PIEZO2: variants seen among roughly 807,000 people sequenced by gnomAD.
The protein encoded by PIEZO2 is piezo type mechanosensitive ion channel component 2.
In PIEZO2, 172 loss-of-function variants were observed where a neutral mutation model predicts 337.3. That is an observed-to-expected ratio of 0.51 (90% CI 0.45 to 0.58). The LOEUF (loss-of-function observed/expected upper bound fraction) is 0.58. PIEZO2 is among the 20% of genes least tolerant of loss of function. The pLI is 0.00. For missense variants in PIEZO2, 3,028 were observed against 3,391.3 expected (o/e 0.89, Z 2.66); for synonymous variants, 1,251 against 1,228.5 (o/e 1.02, Z -0.38).
At chr18:10,757,334 G>A (rs534665726) in intron 27 of PIEZO2, among the ~76,000 whole-genome samples, 1 of 150,400 alleles carries the variant, frequency 6.6e-6, no homozygotes, top group African/African-American at 2.4e-5. Flanking sequence ...GAGGGATGGA[G>A]GATGAGAAGA....
At chr18:10,706,537 C>G (rs2035594928) in intron 40 of PIEZO2, among the ~76,000 whole-genome samples, 1 of 152,196 alleles carries the variant, frequency 6.6e-6, no homozygotes, top group Non-Finnish European at 1.5e-5. Flanking sequence ...AACAACTTTA[C>G]TTACTTTCTT....
In PIEZO2 at chr18:10,726,268, C is replaced by G. The variant is rs2036533697; in HGVS notation, c.5029+5139G>C. On this transcript the variant is annotated intron_variant, in intron 36 of 55. Coordinates refer to ENST00000674853, the MANE Select transcript of PIEZO2 (RefSeq NM_001378183.1). The surrounding 1 kb of genome is among the most constrained non-coding windows in gnomAD (Gnocchi z 5.9). The stretch of plus-strand genomic sequence containing the variant: ...TTGTGTGCGAGCCTGTGTTCGGGAG[C>G]ATGAGAATGGAAGCGTCGCGGCCAG... 1 of 817,662 alleles carries G rather than the reference C, an allele frequency of 1.2e-6. No homozygotes were observed. Among genetic ancestry groups the G allele is most frequent in the Non-Finnish European group, 2.0e-6 (1 of 497,156 alleles). The allele number at this position is 817,662 out of a possible 1,614,324, so 50.7% of individuals were successfully genotyped here.
Position 11,093,162 on chromosome 18 carries a change from C to A in PIEZO2, c.65-26940G>T, listed in dbSNP as rs145652898. ...CTTAGCTAAAAACAGTACCTTTTCT[C>A]TCTCAATTATATAGTAACCTGACCT... On this transcript the variant is annotated intron_variant, in intron 1 of 55. Coordinates refer to ENST00000674853, the MANE Select transcript of PIEZO2 (RefSeq NM_001378183.1). 4.4e-3 allele frequency among the ~76,000 whole-genome samples: 665 copies of A among 152,224 alleles called. 6 individuals carry two copies. The highest frequency in any genetic ancestry group is 0.015 in the African/African-American group (615 of 41,538).
At chr18:11,061,946 G>T (rs1482538495) in intron 2 of PIEZO2, among the ~76,000 whole-genome samples, 4 of 152,190 alleles carry the variant, frequency 2.6e-5, no homozygotes, top group Non-Finnish European at 4.4e-5. Flanking sequence ...AGCCCGCATT[G>T]CTAAGTCAAT....
At chr18:10,675,086 T>C (rs2033934677) in intron 54 of PIEZO2, 123 bp downstream of exon 54, 2 of 605,272 alleles carry the variant, frequency 3.3e-6, no homozygotes, top group Admixed American at 3.7e-5. Flanking sequence ...GTTTCATATA[T>C]AGTCTGTCAC....
rs1034344457 is a variant in PIEZO2, at chr18:10,752,523, T to C, written c.4167+113A>G. On this transcript the variant is annotated intron_variant, in intron 28 of 55. Coordinates refer to ENST00000674853, the MANE Select transcript of PIEZO2 (RefSeq NM_001378183.1). ...TGAATTCTGAATTTGCAGCATCTTATTGGGGCTTTTAAGAGAGCAACATGA... is the reference window on the plus strand; with the variant it reads ...TGAATTCTGAATTTGCAGCATCTTACTGGGGCTTTTAAGAGAGCAACATGA... 15 of 1,256,930 alleles carry C rather than the reference T, an allele frequency of 1.2e-5. No individual in the cohort carries two copies. The African/African-American group carries it at 1.8e-4, about 15-fold the overall frequency. The allele number at this position is 1,256,930 out of a possible 1,614,324, so 77.9% of individuals were successfully genotyped here. A position where few individuals can be genotyped will look rare whatever the true frequency, so the allele number is the denominator to read the frequency against.
At position 11,065,208 on chromosome 18, in the gene PIEZO2, G is replaced by A. The variant is rs559845579; in HGVS notation, c.160+919C>T. 1.4e-4 allele frequency among the ~76,000 whole-genome samples: 22 copies of A among 152,292 alleles called. 1 individual carries two copies. The South Asian group carries it at 2.7e-3, about 19-fold the overall frequency. On this transcript the variant is annotated intron_variant, in intron 2 of 55. Transcript: ENST00000674853. ...CATTATTTGTTGTTCTGTGTACACC[G>A]TGGTCTTTACTTCTTTTTCTAAAGA...
Position 10,689,658 on chromosome 18 carries a change from C to T in PIEZO2, c.7494G>A (p.Glu2498=). The part of the protein sequence containing the change: ...IFILKCWRES[E]KRYPQPRGQK... ...GGCACATCTCCTGGCTTCTTACCTT[C>T]TCCGACTCCCGCCAACACTTCAGGA... Residue 2498 remains glutamate (E), a synonymous_variant, in exon 49 of 56, where the codon GAG becomes GAA. Coordinates refer to ENST00000674853, the MANE Select transcript of PIEZO2 (RefSeq NM_001378183.1). 3 of 1,614,228 alleles carry T rather than the reference C, an allele frequency of 1.9e-6. No individual in the cohort carries two copies. Among genetic ancestry groups the T allele is most frequent in the Admixed American group, 1.7e-5 (1 of 60,024 alleles).
chr18:11,101,619 G>A lies in PIEZO2; in HGVS notation c.65-35397C>T, dbSNP rs2039421634. On this transcript the variant is annotated intron_variant, in intron 1 of 55. Coordinates refer to ENST00000674853, the MANE Select transcript of PIEZO2 (RefSeq NM_001378183.1). This position sits in a 1 kb window ranked among gnomAD's most constrained non-coding sequence, Gnocchi z 4.4. ...GAGAAAACATGACATTTTCCCCCAT[G>A]ACATTCTATTTCTCAAACCTGTCAA... Among the ~76,000 whole-genome samples the A allele has an allele frequency of 6.6e-6, 1 of 152,162 alleles. No individual in the cohort carries two copies. The highest frequency in any genetic ancestry group is 1.5e-5 in the Non-Finnish European group (1 of 68,040).
Position 10,975,838 on chromosome 18 carries a change from C to T in PIEZO2, c.286+3697G>A, listed in dbSNP as rs144809917. On this transcript the variant is annotated intron_variant, in intron 3 of 55. Transcript: ENST00000674853. ...AATTTGAATACTACTTGAATATGAT[C>T]GACTTGTCTGGGTTTTAATTTTAAT... Among the ~76,000 whole-genome samples the T allele has an allele frequency of 3.1e-3, 478 of 152,228 alleles. 8 individuals are homozygous for T. The highest frequency in any genetic ancestry group is 0.011 in the African/African-American group (471 of 41,538).
chr18:10,890,566 A>G (rs1568169854), intron 4 of PIEZO2: 1 of 152,274 alleles, frequency 6.6e-6, no homozygotes, highest in Non-Finnish European at 1.5e-5. Context: ...TGGAGGCAGC[A>G]AGAGACGTGC....
At chr18:10,684,493 G>A (rs1288227913) in intron 49 of PIEZO2, among the ~76,000 whole-genome samples, 1 of 134,632 alleles carries the variant, frequency 7.4e-6, no homozygotes, top group Non-Finnish European at 1.5e-5. Flanking sequence ...TCTTGATGGA[G>A]TCTTGCTGTC....
chr18:11,086,037 T>C (rs1264416315), intron 1 of PIEZO2, among the ~76,000 whole-genome samples: 2 of 152,174 alleles, frequency 1.3e-5, no homozygotes, highest in African/African-American at 4.8e-5. Flanking sequence ...TCAATAAATA[T>C]ACGTTGTATG....
chr18:10,927,599 G>A (rs2031825874), intron 3 of PIEZO2, among the ~76,000 whole-genome samples: 1 of 152,184 alleles, frequency 6.6e-6, no homozygotes, highest in South Asian at 2.1e-4. Flanking sequence ...ATTTGAACCA[G>A]TTGAAAAGCA....
intron 2 of PIEZO2, among the ~76,000 whole-genome samples, chr18:11,014,608 C>A (rs2036028727): frequency 7.2e-6 from 1 of 137,954 alleles, no homozygotes; most frequent in South Asian, 2.5e-4. Context: ...GCCCCTCATT[C>A]CTCAGTGGGG....
At position 10,773,428 on chromosome 18, in the gene PIEZO2, C is replaced by CTCCTCGGATTCCTCCTCT; in HGVS notation, c.2751_2768dup (p.Ser921_Glu926dup). On this transcript the variant is annotated inframe_insertion, in exon 20 of 56. Coordinates refer to ENST00000674853, the MANE Select transcript of PIEZO2 (RefSeq NM_001378183.1). The surrounding 1 kb of genome is among the most constrained non-coding windows in gnomAD (Gnocchi z 5.3). ...GCTGATTACCTGATGTTTCTTCCTC[C>CTCCTCGGATTCCTCCTCT]TCCTCGGATTCCTCCTCTTCCTCTC... is the stretch of plus-strand genomic sequence containing the variant. 1 of 1,537,348 alleles carries CTCCTCGGATTCCTCCTCT rather than the reference C, an allele frequency of 6.5e-7. No homozygotes were observed.
rs1481341257 is a variant in PIEZO2, at chr18:10,853,208, G to A, written c.917+2145C>T. 6.6e-6 allele frequency among the ~76,000 whole-genome samples: 1 copy of A among 152,188 alleles called. No homozygotes were observed. The highest frequency in any genetic ancestry group is 1.5e-5 in the Non-Finnish European group (1 of 68,036). On this transcript the variant is annotated intron_variant, in intron 7 of 55. Coordinates refer to ENST00000674853, the MANE Select transcript of PIEZO2 (RefSeq NM_001378183.1). This position sits in a 1 kb window ranked among gnomAD's most constrained non-coding sequence, Gnocchi z 4.2. ...CCCTCCCAAGGGCTGGCAGGCCACT[G>A]TGCATGCAGACAGCCCACCCCCAGG...
At chr18:10,771,329 C>A (rs2038596679) in intron 20 of PIEZO2, among the ~76,000 whole-genome samples, 1 of 152,254 alleles carries the variant, frequency 6.6e-6, no homozygotes, top group South Asian at 2.1e-4. Context: ...TGGTCAGATT[C>A]ATTCAAATGA....
At chr18:11,050,722 A>C (rs2037492343) in intron 2 of PIEZO2, among the ~76,000 whole-genome samples, 1 of 151,996 alleles carries the variant, frequency 6.6e-6, no homozygotes, top group Admixed American at 6.5e-5. Flanking sequence ...TCACCAAAGC[A>C]CAGTAAGCCC....
Sources: gnomAD v4.1 joint callset for allele counts (sites outside exome capture counted in the v4.1 genomes callset) on GRCh38, gnomAD v4.1.1 for gene constraint, Gnocchi (gnomAD v3.1) non-coding constraint, MANE v1.5 for transcripts, NCBI Gene and HGNC (gene_info 2026-07-23, HGNC 2026-07-21) for gene names.